Variants in MYO1D observed in about 807,000 individuals in gnomAD.
MYO1D encodes myosin ID.
MYO1D carries 83 observed loss-of-function variants against 122.0 expected under a neutral mutation model. The ratio of observed to expected loss-of-function variants is 0.68; its 90% CI spans 0.57 to 0.82. The LOEUF (loss-of-function observed/expected upper bound fraction) is 0.82, where lower values mean the gene tolerates loss of function less well. MYO1D is among the 40% of genes least tolerant of loss of function. The probability of loss-of-function intolerance (pLI) is 0.00; values close to 1 mark genes in which losing one functional copy is unlikely to be tolerated. For missense variants in MYO1D, 1,157 were observed against 1,269.5 expected, an observed-to-expected ratio of 0.91 and a Z score of 1.35; for synonymous variants, 464 against 446.9, an observed-to-expected ratio of 1.04 and a Z score of -0.48.
chr17:32,707,543 A>G (rs2089324017), intron 16 of MYO1D, among the ~76,000 whole-genome samples: 1 of 123,332 alleles, frequency 8.1e-6, no homozygotes, highest in Admixed American at 7.8e-5. Context: ...TGTCTATTAA[A>G]GTTTAGGGAA....
intron 21 of MYO1D, among the ~76,000 whole-genome samples, chr17:32,574,240 C>G (rs1430881525): frequency 6.6e-6 from 1 of 151,746 alleles, no homozygotes; most frequent in Non-Finnish European, 1.5e-5. Context: ...CCGTACTTTA[C>G]AGAAGCTTGT....
chr17:32,626,599 T>C (rs2087930908), intron 20 of MYO1D, among the ~76,000 whole-genome samples: 1 of 152,198 alleles, frequency 6.6e-6, no homozygotes, highest in African/African-American at 2.4e-5. Context: ...TTTGGTACTA[T>C]AAATCGTTTG....
chr17:32,741,939 T>C (rs1467901458), intron 13 of MYO1D, among the ~76,000 whole-genome samples: 2 of 144,982 alleles, frequency 1.4e-5, no homozygotes, highest in African/African-American at 2.6e-5. Context: ...GGCATGAACC[T>C]GGGAGGCGGA....
intron 16 of MYO1D, among the ~76,000 whole-genome samples, chr17:32,697,040 A>G (rs2089181813): frequency 6.6e-6 from 1 of 152,168 alleles, no homozygotes; most frequent in South Asian, 2.1e-4. Context: ...CTTCTTCCAG[A>G]AAGTGTCCTC....
At chr17:32,608,903 C>T (rs1036626909) in intron 20 of MYO1D, among the ~76,000 whole-genome samples, 1 of 152,180 alleles carries the variant, frequency 6.6e-6, no homozygotes, top group East Asian at 1.9e-4. Flanking sequence ...AGCAGCCAGT[C>T]TCAAAAGGTT....
chr17:32,506,335 A>G (rs1242041383), intron 21 of MYO1D, among the ~76,000 whole-genome samples: 1 of 152,220 alleles, frequency 6.6e-6, no homozygotes, highest in Non-Finnish European at 1.5e-5. Context: ...GCAGCATGAA[A>G]GGTGGGGTGG....
chr17:32,634,266 G>C (rs2088065840), intron 20 of MYO1D, among the ~76,000 whole-genome samples: 2 of 152,150 alleles, frequency 1.3e-5, no homozygotes, highest in African/African-American at 4.8e-5. Flanking sequence ...AAACCTAGCA[G>C]GAAGAAATGA....
chr17:32,664,965 C>G (rs543952675), intron 16 of MYO1D, among the ~76,000 whole-genome samples: 88 of 152,288 alleles, frequency 5.8e-4, no homozygotes, highest in Non-Finnish European at 1.0e-3. Flanking sequence ...ACCTCATCTC[C>G]CGCTGTCCTC....
chr17:32,788,734 G>A (rs1470338254), intron 1 of MYO1D, among the ~76,000 whole-genome samples: 1 of 152,044 alleles, frequency 6.6e-6, no homozygotes, highest in African/African-American at 2.4e-5. Flanking sequence ...TGGGGGTGCA[G>A]GCTCTTTTTT....
chr17:32,839,438 T>C (rs1343854273), intron 1 of MYO1D, among the ~76,000 whole-genome samples: 1 of 152,196 alleles, frequency 6.6e-6, no homozygotes, highest in Non-Finnish European at 1.5e-5. Flanking sequence ...AGAATTTAAG[T>C]GCTTTTAAAT....
intron 16 of MYO1D, among the ~76,000 whole-genome samples, chr17:32,703,291 TGTTATA>T: frequency 6.6e-6 from 1 of 152,190 alleles, no homozygotes; most frequent in East Asian, 1.9e-4. Flanking sequence ...CACCTATTTG[TGTTATA>T]GGTGGGTCAA....
chr17:32,585,732 C>G (rs559510360), intron 21 of MYO1D, among the ~76,000 whole-genome samples: 5 of 133,924 alleles, frequency 3.7e-5, no homozygotes, highest in Non-Finnish European at 7.9e-5. Flanking sequence ...AGCAAGAATC[C>G]GTCTCAAAAT....
At chr17:32,780,907 T>A (rs2090230590) in intron 1 of MYO1D, 123 bp from the exon 2 acceptor site, 4 of 936,346 alleles carry the variant, frequency 4.3e-6, no homozygotes, top group African/African-American at 1.7e-5. Context: ...TGAACTGACG[T>A]TTCATTGGCT....
chr17:32,659,387 G>C, intron 16 of MYO1D, 49 bp from the exon 17 acceptor site: 1 of 1,576,464 alleles, frequency 6.3e-7, no homozygotes. Flanking sequence ...CGGCTGAGTT[G>C]TGGATGGCTT....
chr17:32,795,178 T>A (rs879852016), intron 1 of MYO1D, among the ~76,000 whole-genome samples: 3 of 151,996 alleles, frequency 2.0e-5, no homozygotes, highest in Non-Finnish European at 2.9e-5. Flanking sequence ...CTGAGAGACA[T>A]CCAAGTGAAG....
chr17:32,647,357 A>G lies in MYO1D; in HGVS notation c.2595+6486T>C, dbSNP rs796646504. Among the ~76,000 whole-genome samples the G allele has an allele frequency of 2.6e-5, 4 of 152,348 alleles. 1 individual carries two copies. Among genetic ancestry groups the G allele is most frequent in the African/African-American group, 9.6e-5 (4 of 41,592 alleles). On this transcript the variant is annotated intron_variant, in intron 19 of 21. Coordinates refer to ENST00000318217, the MANE Select transcript of MYO1D (RefSeq NM_015194.3). The stretch of plus-strand genomic sequence containing the variant: ...CAGTTTCTAAAGTCGTATTTAAGCT[A>G]TAGGGTGAACAAAGAGTATTTTGCT...
At chr17:32,506,044 C>T (rs1909491839) in intron 21 of MYO1D, among the ~76,000 whole-genome samples, 1 of 152,178 alleles carries the variant, frequency 6.6e-6, no homozygotes, top group Non-Finnish European at 1.5e-5. Flanking sequence ...CATAATGAGA[C>T]CCCATCTCTA....
intron 21 of MYO1D, among the ~76,000 whole-genome samples, chr17:32,551,367 A>G (rs2087013593): frequency 6.6e-6 from 1 of 152,252 alleles, no homozygotes; most frequent in Admixed American, 6.5e-5. Context: ...AAAAGACCAG[A>G]AAAGCTTAGG....
chr17:32,626,631 C>T (rs1364844208), intron 20 of MYO1D, among the ~76,000 whole-genome samples: 1 of 151,994 alleles, frequency 6.6e-6, no homozygotes, highest in Admixed American at 6.6e-5. Context: ...GATTTTTGCA[C>T]ATGTAAGGAA....
Sources: allele counts gnomAD v4.1 joint callset (sites outside exome capture counted in the v4.1 genomes callset), GRCh38; gene constraint gnomAD v4.1.1; transcripts MANE v1.5; gene names NCBI Gene and HGNC (gene_info 2026-07-23, HGNC 2026-07-21).